LRRC43: variants seen among roughly 807,000 people sequenced by gnomAD.
LRRC43 encodes leucine-rich repeat-containing protein 43.
LRRC43 carries 62 observed loss-of-function variants against 64.3 expected under a neutral mutation model. The observed-to-expected ratio is 0.96, with a 90% confidence interval of 0.79 to 1.19. The LOEUF (loss-of-function observed/expected upper bound fraction) is 1.19, where lower values mean the gene tolerates loss of function less well. Ranked by LOEUF, LRRC43 falls within the 50% of genes most tolerant of loss-of-function variation. LRRC43 has a pLI of 0.00. For synonymous variants in LRRC43, 422 were observed against 382.3 expected, an observed-to-expected ratio of 1.10 and a Z score of -1.21; for missense variants, 868 against 845.0, an observed-to-expected ratio of 1.03 and a Z score of -0.34.
chr12:122,177,381 C>A (rs1953545184), intron 1 of LRRC43, among the ~76,000 whole-genome samples: 1 of 152,050 alleles, frequency 6.6e-6, no homozygotes, highest in South Asian at 2.1e-4. Context: ...AGAACCCTAG[C>A]CAGCCAGCAC....
At chr12:122,199,603 C>T (rs1953811589) in intron 7 of LRRC43, among the ~76,000 whole-genome samples, 2 of 151,312 alleles carry the variant, frequency 1.3e-5, no homozygotes, top group Admixed American at 6.6e-5. Flanking sequence ...TTTTCTCCTG[C>T]AGGAGGGTCT....
chr12:122,188,914 CCAGA>C (rs1262180132), intron 4 of LRRC43, among the ~76,000 whole-genome samples: 2 of 152,146 alleles, frequency 1.3e-5, no homozygotes, highest in African/African-American at 2.4e-5. Flanking sequence ...AAAAATGTCT[CCAGA>C]CAGTTTTTGT....
chr12:122,184,542 A>C lies in LRRC43; in HGVS notation c.174A>C (p.Gln58His). The C allele has an allele frequency of 1.2e-6, 2 of 1,613,602 alleles. No individual in the cohort carries two copies. The highest frequency in any genetic ancestry group is 1.7e-6 in the Non-Finnish European group (2 of 1,179,768). The change falls in exon 2 of 12, where the codon CAA becomes CAC. Residue 58 changes from glutamine (Q) to histidine (H), a missense_variant. By Grantham distance (24) the Gln-to-His change is conservative. Coordinates refer to ENST00000339777, the MANE Select transcript of LRRC43 (RefSeq NM_001098519.2). The surrounding 1 kb of genome is among the most constrained non-coding windows in gnomAD (Gnocchi z 4.0). ...GSWNKSRFLP[Q>H]TWRTWRELVP... ...AGAATAAGTCGCGCTTTCTTCCTCA[A>C]ACTTGGCGAACTTGGAGGGAGCTTG...
intron 10 of LRRC43, 142 bp downstream of exon 10, chr12:122,201,076 G>C: frequency 8.5e-7 from 1 of 1,170,248 alleles, no homozygotes; most frequent in Non-Finnish European, 1.2e-6. Flanking sequence ...GCATGCAGCT[G>C]GGCTGCTGGT....
At chr12:122,183,116 A>G (rs1953597326), upstream of LRRC43, 2 of 1,526,878 alleles carry the variant, frequency 1.3e-6, no homozygotes, top group African/African-American at 1.4e-5. Flanking sequence ...CACGCGTCCT[A>G]GCGGTTGCCG....
chr12:122,203,228 G>C (rs1953864037), intron 11 of LRRC43, 87 bp from the exon 12 acceptor site: 1 of 1,489,242 alleles, frequency 6.7e-7, no homozygotes, highest in Non-Finnish European at 9.1e-7. Flanking sequence ...ACAGGGTCCA[G>C]GGCTTGCATA....
intron 3 of LRRC43, among the ~76,000 whole-genome samples, chr12:122,186,791 C>CAT (rs1566007845): frequency 5.9e-5 from 9 of 152,078 alleles, no homozygotes; most frequent in African/African-American, 2.2e-4. Context: ...TGGTGGCATG[C>CAT]GCCTGTAGTC....
At chr12:122,181,753 G>A (rs1289663183), upstream of LRRC43, among the ~76,000 whole-genome samples, 6 of 150,624 alleles carry the variant, frequency 4.0e-5, no homozygotes, top group African/African-American at 1.5e-4. Context: ...CTATAGGCAT[G>A]TGTCACCACG....
chr12:122,201,890 T>G (rs10848035), intron 11 of LRRC43: 33,865 of 153,328 alleles, frequency 0.22, 5,124 homozygotes, highest in East Asian at 0.7. Flanking sequence ...TCCCAGCACT[T>G]TGGCGTGCGG....
At chr12:122,192,394 C>G (rs1345515467) in intron 6 of LRRC43, among the ~76,000 whole-genome samples, 2 of 152,118 alleles carry the variant, frequency 1.3e-5, no homozygotes, top group Admixed American at 1.3e-4. Flanking sequence ...CCTCGGCCTC[C>G]CAAAGTACTG....
rs900260575 is a variant in LRRC43, at chr12:122,200,691, C to G, written c.1620+31C>G. 7.4e-6 allele frequency: 12 copies of G among 1,613,184 alleles called. No homozygotes were observed. Among genetic ancestry groups the G allele is most frequent in the Admixed American group, 1.7e-5 (1 of 59,964 alleles). On this transcript the variant is annotated intron_variant, in intron 9 of 11. Coordinates refer to ENST00000339777, the MANE Select transcript of LRRC43 (RefSeq NM_001098519.2). The surrounding 1 kb of genome is among the most constrained non-coding windows in gnomAD (Gnocchi z 4.6). ...GGGCCTTGGTGCTGGGGAGGGCAGC[C>G]TGGCCACACCCTTGCTTCAACTTGT...
intron 2 of LRRC43, among the ~76,000 whole-genome samples, chr12:122,185,090 C>T (rs1235405471): frequency 2.0e-5 from 3 of 152,124 alleles, no homozygotes; most frequent in East Asian, 1.9e-4. Flanking sequence ...AGTTTTACTT[C>T]GTTTAAACCG....
intron 5 of LRRC43, 88 bp downstream of exon 5, chr12:122,190,456 C>T (rs1022758136): frequency 1.1e-5 from 12 of 1,057,698 alleles, no homozygotes; most frequent in Middle Eastern, 2.4e-4. Context: ...TCCGTGTACC[C>T]GTCTGTCCTG....
At chr12:122,195,067 A>G (rs1953761386) in intron 7 of LRRC43, among the ~76,000 whole-genome samples, 1 of 152,190 alleles carries the variant, frequency 6.6e-6, no homozygotes, top group Non-Finnish European at 1.5e-5. Flanking sequence ...TCAGGAAGTT[A>G]ATGTATTCAT....
chr12:122,186,390 G>A (rs1409389748), intron 3 of LRRC43, 90 bp downstream of exon 3: 1 of 806,778 alleles, frequency 1.2e-6, no homozygotes, highest in East Asian at 2.7e-5. Flanking sequence ...GGCCAGCATG[G>A]GTGGAGGGTA....
In LRRC43 at chr12:122,190,043, CA is replaced by C. The variant is rs1566009508; in HGVS notation, c.663-86del. 2.7e-6 allele frequency: 3 copies of C among 1,091,482 alleles called. No homozygotes were observed. The East Asian group carries it at 7.1e-5, about 26-fold the overall frequency. 67.6% of individuals were successfully genotyped at this position (1,091,482 alleles called of 1,614,324 possible). A position where few individuals can be genotyped will look rare whatever the true frequency, so the allele number is the denominator to read the frequency against. On this transcript the variant is annotated intron_variant, in intron 4 of 11. Coordinates refer to ENST00000339777, the MANE Select transcript of LRRC43 (RefSeq NM_001098519.2). ...CGTGGATGGGCAGAATCCTTAGCCC[CA>C]GGCTCCCCGTCCGTTTTGGCCACAG...
chr12:122,190,324 C>T lies in LRRC43; in HGVS notation c.857C>T (p.Ser286Phe). 6.2e-7 allele frequency: 1 copy of T among 1,614,174 alleles called. No homozygotes were observed. The highest frequency in any genetic ancestry group is 8.5e-7 in the Non-Finnish European group (1 of 1,180,022). Residue 286 changes from serine (S) to phenylalanine (F), a missense_variant, in exon 5 of 12, where the codon TCT (serine) becomes TTT (phenylalanine). By Grantham distance (155) the Ser-to-Phe change is radical. Transcript: ENST00000339777. ...QLCVLDDITV[S>F]PNEKHLFRGL... ...TGCGTGCTGGACGACATCACCGTGTCTCCCAATGAGAAGCATCTCTTCCGG... is the reference window on the plus strand; with the variant it reads ...TGCGTGCTGGACGACATCACCGTGTTTCCCAATGAGAAGCATCTCTTCCGG...
chr12:122,190,177 TGCAGAGCATGGTCACCA>T lies in LRRC43; in HGVS notation c.713_729del (p.Gln238ProfsTer46), dbSNP rs779153966. 1.2e-6 allele frequency: 2 copies of T among 1,614,128 alleles called. No individual in the cohort carries two copies. Among genetic ancestry groups the T allele is most frequent in the Non-Finnish European group, 1.7e-6 (2 of 1,180,028 alleles). On this transcript the variant is annotated frameshift_variant, in exon 5 of 12. Transcript: ENST00000339777. LOFTEE classifies it high-confidence loss of function. ...CTGGGCTTCAACGACCTGACAGACC[TGCAGAGCATGGTCACCA>T]GCCTGAGGACCCTCCGGCACCTGCG...
rs145831421 is a variant in LRRC43 at position 122,187,769 on chromosome 12, G to A, written c.591G>A (p.Leu197=). 365 of 1,614,092 alleles carry A rather than the reference G, an allele frequency of 2.3e-4. 2 individuals are homozygous for A. The African/African-American group carries it at 4.0e-3, about 18-fold the overall frequency. The change falls in exon 4 of 12, where the codon CTG becomes CTA. Residue 197 remains leucine (L), a synonymous_variant. Coordinates refer to ENST00000339777, the MANE Select transcript of LRRC43 (RefSeq NM_001098519.2). ...TGTGTGCCCACCCACCCGCCGGCCT[G>A]CAGCACTTGGGGTTAGGCCACAACA... ...ECLCAHPPAG[L]QHLGLGHNKL...
Sources: gnomAD v4.1 joint callset for allele counts (sites outside exome capture counted in the v4.1 genomes callset) on GRCh38, gnomAD v4.1.1 for gene constraint, Gnocchi (gnomAD v3.1) non-coding constraint, MANE v1.5 for transcripts, NCBI Gene and HGNC (gene_info 2026-07-23, HGNC 2026-07-21) for gene names.